TOGARAM2: variants seen among roughly 807,000 people sequenced by gnomAD.
TOGARAM2 encodes the protein TOG array regulator of axonemal microtubules protein 2.
TOGARAM2 carries 85 observed loss-of-function variants against 93.3 expected under a neutral mutation model. That is an observed-to-expected ratio of 0.91 (90% CI 0.76 to 1.09). TOGARAM2 has a LOEUF of 1.09. Ranked by LOEUF, TOGARAM2 falls within the 50% of genes least tolerant of loss-of-function variation. The pLI, the probability that TOGARAM2 is intolerant of heterozygous loss-of-function variation, is 0.00. For synonymous variants in TOGARAM2, 593 were observed against 552.8 expected, an observed-to-expected ratio of 1.07 and a Z score of -1.02; for missense variants, 1,277 against 1,334.5, an observed-to-expected ratio of 0.96 and a Z score of 0.67.
In TOGARAM2 at chr2:29,026,684, T is replaced by C. The variant is rs73922947; in HGVS notation, c.1854-169T>C. ...TTGCTGTCACCCTGTTCGTAGAAAG[T>C]GAGTGCTCTTTCCTCAAAGATTCCC... On this transcript the variant is annotated intron_variant, in intron 13 of 19. Coordinates refer to ENST00000379558, the MANE Select transcript of TOGARAM2 (RefSeq NM_199280.4). Among the ~76,000 whole-genome samples, 255 of 152,280 alleles carry C rather than the reference T, an allele frequency of 1.7e-3. 1 individual carries two copies. The highest frequency in any genetic ancestry group is 6.0e-3 in the African/African-American group (249 of 41,546).
chr2:29,024,143 C>T lies in TOGARAM2; in HGVS notation c.1622C>T (p.Thr541Ile). 1 of 1,570,908 alleles carries T rather than the reference C, an allele frequency of 6.4e-7. No homozygotes were observed. The highest frequency in any genetic ancestry group is 2.4e-5 in the East Asian group (1 of 42,318). The change falls in exon 13 of 20, where the codon ACC becomes ATC. Residue 541 changes from threonine to isoleucine, a missense_variant. By Grantham distance (89) the Thr-to-Ile change is moderately conservative. Coordinates refer to ENST00000379558, the MANE Select transcript of TOGARAM2 (RefSeq NM_199280.4). Reference protein sequence around the residue: ...DVCLVVTGEVTNLRSKVSHLA... With the variant: ...DVCLVVTGEVINLRSKVSHLA... Reference sequence around the variant, plus strand: ...GGCCTCTCTCCTCTCTCCAAGGTCACCAACCTGCGGTCCAAGGTGTCTCAC... The same window carrying T: ...GGCCTCTCTCCTCTCTCCAAGGTCATCAACCTGCGGTCCAAGGTGTCTCAC...
rs558293919 is a variant in TOGARAM2, at chr2:29,028,365, T to A, written c.2012+1354T>A. Among the ~76,000 whole-genome samples, 4 of 152,276 alleles carry A rather than the reference T, an allele frequency of 2.6e-5. No homozygotes were observed. In the East Asian group the frequency reaches 7.8e-4, roughly 30 times the overall value. ...CTCCCCTGCTGCAAACTGTGCTGCA[T>A]GGCACCTCCTCGGACGTGCCCAGGA... On this transcript the variant is annotated intron_variant, in intron 14 of 19. Transcript: ENST00000379558.
intron 8 of TOGARAM2, 101 bp from the exon 9 acceptor site, chr2:29,017,053 C>G: frequency 6.8e-7 from 1 of 1,468,148 alleles, no homozygotes; most frequent in Non-Finnish European, 9.3e-7. Flanking sequence ...TTGTTCACTT[C>G]CAGGACAGCA....
intron 6 of TOGARAM2, among the ~76,000 whole-genome samples, chr2:29,005,378 G>GTC (rs1673664196): frequency 7.1e-6 from 1 of 141,728 alleles, no homozygotes; most frequent in Non-Finnish European, 1.5e-5. Context: ...GAACGTGCAT[G>GTC]TATGTGGGTG....
Position 29,033,062 on chromosome 2 carries a change from G to A in TOGARAM2, c.2130+11G>A. On this transcript the variant is annotated intron_variant, in intron 15 of 19. Coordinates refer to ENST00000379558, the MANE Select transcript of TOGARAM2 (RefSeq NM_199280.4). ...GCCATTAAACAGCAGGTGAGCTGTG[G>A]GGCATAAGTGGGTCATGGCCTTTTG... 6.2e-7 allele frequency: 1 copy of A among 1,607,048 alleles called. No individual in the cohort carries two copies. Among genetic ancestry groups the A allele is most frequent in the Non-Finnish European group, 8.5e-7 (1 of 1,175,306 alleles).
At chr2:28,961,588 G>A (rs1400096108) in intron 1 of TOGARAM2, among the ~76,000 whole-genome samples, 2 of 152,240 alleles carry the variant, frequency 1.3e-5, no homozygotes, top group Middle Eastern at 3.4e-3. Flanking sequence ...TGATCTGCCC[G>A]CCTTGGCCTC....
chr2:29,029,458 A>G (rs375908595), intron 14 of TOGARAM2, among the ~76,000 whole-genome samples: 3 of 152,248 alleles, frequency 2.0e-5, no homozygotes, highest in South Asian at 4.1e-4. Context: ...ATGCAAGGGC[A>G]TAAGAATGAC....
Position 29,014,491 on chromosome 2 carries a change from T to C in TOGARAM2, c.974T>C (p.Phe325Ser), listed in dbSNP as rs751392022. 3.3e-5 allele frequency: 53 copies of C among 1,589,150 alleles called. 1 individual carries two copies. Among genetic ancestry groups the C allele is most frequent in the South Asian group, 2.6e-4 (23 of 86,898 alleles). The change falls in exon 8 of 20, where the codon TTC (phenylalanine) becomes TCC (serine). Residue 325 changes from phenylalanine to serine, a missense_variant. Coordinates refer to ENST00000379558, the MANE Select transcript of TOGARAM2 (RefSeq NM_199280.4). ...FSQSAPTLTA[F>S]SFDCAREACP... is the part of the protein sequence containing the mutation. ...CAGTCTGCTCCCACGCTGACAGCCT[T>C]CTCCTTTGACTGTGCCAGAGAAGCC...
At chr2:28,991,783 C>T (rs1244763338) in intron 1 of TOGARAM2, among the ~76,000 whole-genome samples, 4 of 152,214 alleles carry the variant, frequency 2.6e-5, no homozygotes, top group African/African-American at 9.7e-5. Flanking sequence ...TTCCACTTGA[C>T]ACTTGAGTCC....
chr2:29,014,710 C>T, intron 8 of TOGARAM2, 149 bp downstream of exon 8: 1 of 975,136 alleles, frequency 1.0e-6, no homozygotes, highest in Non-Finnish European at 1.5e-6. Flanking sequence ...TACTAAAGGC[C>T]AGAACCTGCA....
At chr2:29,006,332 G>A (rs1052427689) in intron 6 of TOGARAM2, among the ~76,000 whole-genome samples, 5 of 145,458 alleles carry the variant, frequency 3.4e-5, no homozygotes, top group Admixed American at 2.7e-4. Flanking sequence ...GTGTGTGCAT[G>A]TGTGTGTATG....
Position 29,036,652 on chromosome 2 carries a change from A to G in TOGARAM2, c.2530A>G (p.Met844Val). Residue 844 changes from methionine (M) to valine (V), a missense_variant, in exon 18 of 20, where the codon ATG (methionine) becomes GTG (valine). Physicochemically the swap from Met to Val is conservative, Grantham distance 21 (BLOSUM62 1). Coordinates refer to ENST00000379558, the MANE Select transcript of TOGARAM2 (RefSeq NM_199280.4). The stretch of plus-strand genomic sequence containing the variant: ...CCTCCTCAGAGAGAGCTTACACCCC[A>G]TGCTGCTCTCCATCATCATCACTGT... ...IPLLRESLHP[M>V]LLSIIITVAD... The G allele has an allele frequency of 6.2e-7, 1 of 1,613,924 alleles. No homozygotes were observed.
chr2:28,961,414 T>C (rs1671803824), intron 1 of TOGARAM2, among the ~76,000 whole-genome samples: 1 of 152,170 alleles, frequency 6.6e-6, no homozygotes, highest in South Asian at 2.1e-4. Context: ...CAAACTCGGC[T>C]CACAGCAACC....
chr2:28,963,970 G>A (rs1558392060), intron 1 of TOGARAM2, among the ~76,000 whole-genome samples: 1 of 152,132 alleles, frequency 6.6e-6, no homozygotes, highest in Non-Finnish European at 1.5e-5. Flanking sequence ...TCGCGCCATT[G>A]CACTCCAGCC....
intron 1 of TOGARAM2, among the ~76,000 whole-genome samples, chr2:28,965,504 G>C (rs529634346): frequency 1.4e-4 from 21 of 152,282 alleles, no homozygotes; most frequent in African/African-American, 5.1e-4. Context: ...GTTCCCTAGT[G>C]AGGGCCCCAA....
At position 29,017,913 on chromosome 2, in the gene TOGARAM2, C is replaced by A; in HGVS notation, c.1317C>A (p.Ile439=). The A allele has an allele frequency of 6.2e-7, 1 of 1,611,486 alleles. No homozygotes were observed. The highest frequency in any genetic ancestry group is 8.5e-7 in the Non-Finnish European group (1 of 1,178,968). ...KWASRASLPS[I]PISRQEPRFA... is the part of the protein sequence containing the mutation. ...CCAGCCGGGCCTCCCTGCCCAGCAT[C>A]CCCATCAGCCGGCAGGAGCCCCGCT... The change falls in exon 10 of 20, where the codon ATC becomes ATA. Residue 439 remains isoleucine, a synonymous_variant. Transcript: ENST00000379558.
At chr2:29,010,940 C>A (rs1452902431) in intron 6 of TOGARAM2, among the ~76,000 whole-genome samples, 1 of 152,174 alleles carries the variant, frequency 6.6e-6, no homozygotes, top group Middle Eastern at 3.2e-3. Context: ...GTGGTGACTT[C>A]CTGCCACAGC....
chr2:28,967,798 CTTTTTTTTTTT>C (rs11417570), intron 1 of TOGARAM2, among the ~76,000 whole-genome samples: 1 of 78,538 alleles, frequency 1.3e-5, no homozygotes, highest in East Asian at 4.8e-4. Context: ...ATAAGATGGT[CTTTTTTTTTTT>C]TTTTTTTTTT....
intron 1 of TOGARAM2, among the ~76,000 whole-genome samples, chr2:28,958,250 A>T (rs1671753178): frequency 6.6e-6 from 1 of 151,614 alleles, no homozygotes; most frequent in South Asian, 2.1e-4. Flanking sequence ...CGTATGGCAA[A>T]TTCTTTTCAG....
Sources: allele counts gnomAD v4.1 joint callset (sites outside exome capture counted in the v4.1 genomes callset), GRCh38; gene constraint gnomAD v4.1.1; transcripts MANE v1.5; gene names NCBI Gene and HGNC (gene_info 2026-07-23, HGNC 2026-07-21).